CHN2: variants seen among roughly 807,000 people sequenced by gnomAD.
The protein encoded by CHN2 is beta-chimaerin.
Under a neutral mutation model 56.3 loss-of-function variants are expected in CHN2, and 35 were observed. The ratio of observed to expected loss-of-function variants is 0.62; its 90% CI spans 0.47 to 0.82. The LOEUF is 0.82. Ranked by LOEUF, CHN2 falls within the 40% of genes least tolerant of loss-of-function variation. CHN2 has a pLI of 0.00. For synonymous variants in CHN2, 210 were observed against 212.8 expected (o/e 0.99, Z 0.12); for missense variants, 491 against 580.5 (o/e 0.85, Z 1.58).
chr7:29,399,975 AGG>A (rs1802066011), intron 5 of CHN2, among the ~76,000 whole-genome samples: 1 of 152,172 alleles, frequency 6.6e-6, no homozygotes, highest in African/African-American at 2.4e-5. Context: ...CAGCTCCAGC[AGG>A]GAGTTTAGCA....
At chr7:29,150,566 A>G (rs534586477) in intron 2 of CHN2, among the ~76,000 whole-genome samples, 1 of 152,346 alleles carries the variant, frequency 6.6e-6, no homozygotes, top group Admixed American at 6.5e-5. Flanking sequence ...TCATTTACAC[A>G]TCTTGATCAG....
At chr7:29,387,333 T>C (rs757328) in intron 3 of CHN2, among the ~76,000 whole-genome samples, 133,918 of 152,244 alleles carry the variant, frequency 0.88, 59,233 homozygotes, top group Non-Finnish European at 0.93. Flanking sequence ...AGTGTAATAA[T>C]CTACTCAGAG....
At position 29,513,180 on chromosome 7, in the gene CHN2, A is replaced by G. The variant is rs76843445; in HGVS notation, c.*445A>G. ...ATGTATTTTTATTTTACCCACGAGA[A>G]TGTTGTTATTTTTAGCAAATAGAAC... On this transcript the variant is annotated 3_prime_UTR_variant, in exon 13 of 13. Coordinates refer to ENST00000222792, the MANE Select transcript of CHN2 (RefSeq NM_004067.4). 2,273 of 156,776 alleles carry G rather than the reference A, an allele frequency of 0.014. 59 individuals carry two copies. The highest frequency in any genetic ancestry group is 0.053 in the African/African-American group (2,186 of 41,590). The allele number at this position is 156,776 out of a possible 1,614,324, so 9.7% of individuals were successfully genotyped here.
chr7:29,311,993 C>T (rs1482806723), intron 1 of CHN2, among the ~76,000 whole-genome samples: 1 of 152,076 alleles, frequency 6.6e-6, no homozygotes. Flanking sequence ...ACTCCTGTAT[C>T]CATGCTTCTC....
intron 7 of CHN2, among the ~76,000 whole-genome samples, chr7:29,488,818 G>A (rs990566643): frequency 2.0e-5 from 3 of 152,082 alleles, no homozygotes; most frequent in African/African-American, 2.4e-5. Flanking sequence ...CAATGTACGA[G>A]GCAGACCCCC....
At chr7:29,396,241 G>A (rs886747447) in intron 4 of CHN2, among the ~76,000 whole-genome samples, 2 of 151,866 alleles carry the variant, frequency 1.3e-5, no homozygotes, top group South Asian at 2.1e-4. Context: ...TCAGGAGTTC[G>A]AGACCACTCC....
intron 6 of CHN2, among the ~76,000 whole-genome samples, chr7:29,470,580 G>T (rs1785938246): frequency 6.6e-6 from 1 of 152,178 alleles, no homozygotes; most frequent in Admixed American, 6.5e-5. Flanking sequence ...GTAGATAAAG[G>T]TGCACCTTAC....
Position 29,386,456 on chromosome 7 carries a change from A to G in CHN2, c.145-7223A>G, listed in dbSNP as rs559303079. Among the ~76,000 whole-genome samples, 5 of 152,300 alleles carry G rather than the reference A, an allele frequency of 3.3e-5. No homozygotes were observed. The South Asian group carries it at 1.0e-3, about 32-fold the overall frequency. ...TATTTCTATTAAGTAAAAACTTAAC[A>G]TATACCAGCTGCGGAGGGATTACAA... On this transcript the variant is annotated intron_variant, in intron 3 of 12. Transcript: ENST00000222792.
chr7:29,411,490 C>T (rs1317281825), intron 6 of CHN2, among the ~76,000 whole-genome samples: 1 of 152,132 alleles, frequency 6.6e-6, no homozygotes. Context: ...GTAGGAGCTT[C>T]TGGTGGAGTC....
At chr7:29,343,908 C>G (rs1379167155) in intron 1 of CHN2, among the ~76,000 whole-genome samples, 1 of 152,242 alleles carries the variant, frequency 6.6e-6, no homozygotes, top group Non-Finnish European at 1.5e-5. Flanking sequence ...GGCCATTCCT[C>G]AGCCATCGCT....
rs189485907 is a variant in CHN2 at position 29,336,119 on chromosome 7, G to T, written c.50-18506G>T. ...ATGGGCCGTTTGCCTACAAGAGAAG[G>T]TGGGACAGCAGATTCCTCCTGGAGA... On this transcript the variant is annotated intron_variant, in intron 1 of 12. Transcript: ENST00000222792. The T allele has an allele frequency of 2.1e-3, 315 of 152,302 alleles. 2 individuals are homozygous for T. Among genetic ancestry groups the T allele is most frequent in the African/African-American group, 7.3e-3 (302 of 41,562 alleles). The allele number at this position is 152,302 out of a possible 1,614,324, so 9.4% of individuals were successfully genotyped here. A position where few individuals can be genotyped will look rare whatever the true frequency, so the allele number is the denominator to read the frequency against.
intron 6 of CHN2, among the ~76,000 whole-genome samples, chr7:29,404,557 A>G (rs1386949372): frequency 2.6e-5 from 4 of 152,204 alleles, no homozygotes; most frequent in Non-Finnish European, 5.9e-5. Context: ...GTTAAGGAAT[A>G]TCACACAACC....
chr7:29,453,833 C>T (rs947339152), intron 6 of CHN2, among the ~76,000 whole-genome samples: 7 of 152,126 alleles, frequency 4.6e-5, no homozygotes, highest in Non-Finnish European at 8.8e-5. Context: ...TGGACTAAAA[C>T]GCTGTCACAG....
chr7:29,491,746 T>C (rs1259290657), intron 7 of CHN2, among the ~76,000 whole-genome samples: 2 of 152,224 alleles, frequency 1.3e-5, no homozygotes, highest in Non-Finnish European at 2.9e-5. Flanking sequence ...CCACCCTTTT[T>C]TAAATTATCA....
chr7:29,462,724 C>T (rs1785253491), intron 6 of CHN2, among the ~76,000 whole-genome samples: 1 of 152,110 alleles, frequency 6.6e-6, no homozygotes, highest in Admixed American at 6.5e-5. Context: ...CTTTTATGAC[C>T]CAGCCTCAGG....
intron 1 of CHN2, among the ~76,000 whole-genome samples, chr7:29,297,606 T>A (rs766269298): frequency 6.6e-6 from 1 of 151,908 alleles, no homozygotes; most frequent in African/African-American, 2.4e-5. Flanking sequence ...AGCTCAAAAA[T>A]CCCGAGGCCT....
intron 2 of CHN2, among the ~76,000 whole-genome samples, chr7:29,169,861 C>CGTGTGTGT (rs71555785): frequency 3.4e-5 from 5 of 147,822 alleles, no homozygotes; most frequent in Admixed American, 1.4e-4. Context: ...AGTATATATA[C>CGTGTGTGT]GTGTGTGTGT....
chr7:29,504,204 G>A (rs1314685067), intron 9 of CHN2, among the ~76,000 whole-genome samples: 1 of 152,100 alleles, frequency 6.6e-6, no homozygotes, highest in Non-Finnish European at 1.5e-5. Flanking sequence ...ACATACATGT[G>A]TGTATCTAGT....
intron 6 of CHN2, among the ~76,000 whole-genome samples, chr7:29,461,864 ATGG>A (rs1562626292): frequency 0.021 from 3,140 of 149,838 alleles, 108 homozygotes; most frequent in African/African-American, 0.076. Context: ...GGATGGATGG[ATGG>A]ATGGAAGGAA....
Sources: allele counts gnomAD v4.1 joint callset (sites outside exome capture counted in the v4.1 genomes callset), GRCh38; gene constraint gnomAD v4.1.1; transcripts MANE v1.5; gene names NCBI Gene and HGNC (gene_info 2026-07-23, HGNC 2026-07-21).